The following MARCHF1 variants were observed in gnomAD, a reference collection of about 807,000 sequenced individuals.
MARCHF1 encodes the protein membrane associated ring-CH-type finger 1.
Under a neutral mutation model 54.2 loss-of-function variants are expected in MARCHF1, and 40 were observed. The observed-to-expected ratio is 0.74, with a 90% CI of 0.57 to 0.96. The LOEUF is 0.96. Ranked by LOEUF, MARCHF1 falls within the 40% of genes least tolerant of loss-of-function variation. The probability of loss-of-function intolerance (pLI) is 0.00; values close to 1 mark genes in which losing one functional copy is unlikely to be tolerated. For missense variants in MARCHF1, 586 were observed against 656.5 expected, an observed-to-expected ratio of 0.89 and a Z score of 1.17; for synonymous variants, 236 against 236.3, an observed-to-expected ratio of 1.00 and a Z score of 0.01.
At chr4:163,654,583 G>A (rs1352692298) in intron 5 of MARCHF1, among the ~76,000 whole-genome samples, 1 of 151,582 alleles carries the variant, frequency 6.6e-6, no homozygotes, top group East Asian at 1.9e-4. Context: ...TGGGTGAATT[G>A]TTCTCATTCT....
chr4:164,168,647 T>A (rs1730442813), intron 1 of MARCHF1, among the ~76,000 whole-genome samples: 1 of 149,700 alleles, frequency 6.7e-6, no homozygotes, highest in Admixed American at 6.7e-5. Flanking sequence ...TTGCATGATC[T>A]CACTTTTATG....
intron 1 of MARCHF1, among the ~76,000 whole-genome samples, chr4:164,199,170 A>C (rs1230373124): frequency 6.6e-6 from 1 of 152,240 alleles, no homozygotes; most frequent in Admixed American, 6.5e-5. Flanking sequence ...CTGCCTTGAA[A>C]GTAAGACTTG....
intron 2 of MARCHF1, among the ~76,000 whole-genome samples, chr4:164,096,075 A>G (rs1202320859): frequency 6.6e-6 from 1 of 152,194 alleles, no homozygotes; most frequent in Non-Finnish European, 1.5e-5. Context: ...GTACATACCC[A>G]AAGGGAAATA....
At chr4:163,688,322 C>G (rs985150693) in intron 5 of MARCHF1, among the ~76,000 whole-genome samples, 1 of 152,182 alleles carries the variant, frequency 6.6e-6, no homozygotes, top group East Asian at 1.9e-4. Flanking sequence ...ACCATATCAA[C>G]GTATCATCTT....
intron 4 of MARCHF1, among the ~76,000 whole-genome samples, chr4:163,788,735 T>C (rs1164703013): frequency 6.6e-6 from 1 of 152,030 alleles, no homozygotes; most frequent in Admixed American, 6.6e-5. Context: ...ATTGGTCACC[T>C]GGTAAGGTGG....
intron 3 of MARCHF1, among the ~76,000 whole-genome samples, chr4:163,932,168 T>G (rs1348095113): frequency 6.6e-6 from 1 of 152,220 alleles, no homozygotes; most frequent in Non-Finnish European, 1.5e-5. Flanking sequence ...GTCATGATCT[T>G]TTTGCTGGTA....
In MARCHF1 at chr4:164,152,526, A is replaced by G. The variant is rs1226728112; in HGVS notation, c.-322-40864T>C. Among the ~76,000 whole-genome samples, 4 of 152,146 alleles carry G rather than the reference A, an allele frequency of 2.6e-5. No homozygotes were observed. In the East Asian group the frequency reaches 7.7e-4, roughly 29 times the overall value. ...TTATGAAACAAGGAAAAAAATATTT[A>G]ACCCCAAAATACATTTCCTTGACAT... On this transcript the variant is annotated intron_variant, in intron 1 of 9. Coordinates refer to ENST00000514618, the MANE Select transcript of MARCHF1 (RefSeq NM_001394959.1).
At chr4:164,087,088 C>G (rs960173263) in intron 2 of MARCHF1, among the ~76,000 whole-genome samples, 2 of 151,990 alleles carry the variant, frequency 1.3e-5, no homozygotes, top group African/African-American at 4.8e-5. Flanking sequence ...GGGGGAGTTG[C>G]CACATGACTT....
intron 1 of MARCHF1, among the ~76,000 whole-genome samples, chr4:164,356,754 A>C (rs564997574): frequency 1.2e-4 from 16 of 135,796 alleles, no homozygotes; most frequent in African/African-American, 4.3e-4. Context: ...CCTAAAACTT[A>C]AAGTATAATA....
chr4:164,216,338 C>T (rs1176667714), intron 1 of MARCHF1, among the ~76,000 whole-genome samples: 1 of 152,178 alleles, frequency 6.6e-6, no homozygotes, highest in East Asian at 1.9e-4. Flanking sequence ...TGTGCAGTTA[C>T]AGCTCTTTAT....
chr4:163,782,295 T>C, intron 4 of MARCHF1, among the ~76,000 whole-genome samples: 1 of 152,110 alleles, frequency 6.6e-6, no homozygotes. Context: ...CTCTAAACAA[T>C]GGAAAAAGTC....
intron 4 of MARCHF1, among the ~76,000 whole-genome samples, chr4:163,738,274 G>A (rs1402773897): frequency 6.6e-6 from 1 of 152,088 alleles, no homozygotes; most frequent in African/African-American, 2.4e-5. Context: ...CTCAGTTTAT[G>A]GTGGAAGTTT....
intron 7 of MARCHF1, among the ~76,000 whole-genome samples, chr4:163,587,041 G>A (rs374356105): frequency 5.9e-5 from 9 of 152,248 alleles, no homozygotes; most frequent in East Asian, 5.8e-4. Flanking sequence ...GTTTAAAAAT[G>A]CTAATAAATA....
At chr4:164,109,912 T>TAAAAAAAA (rs57433858) in intron 2 of MARCHF1, among the ~76,000 whole-genome samples, 745 of 63,120 alleles carry the variant, frequency 0.012, 4 homozygotes, top group African/African-American at 0.019. Context: ...AAAATAAAAG[T>TAAAAAAAA]AAAAAAAAAA....
chr4:164,045,085 A>G (rs1754213414), intron 2 of MARCHF1, among the ~76,000 whole-genome samples: 1 of 152,146 alleles, frequency 6.6e-6, no homozygotes, highest in African/African-American at 2.4e-5. Flanking sequence ...AAAAATCAAT[A>G]CTATGGCATA....
At chr4:163,838,977 TA>T (rs925275943) in intron 4 of MARCHF1, among the ~76,000 whole-genome samples, 11 of 152,114 alleles carry the variant, frequency 7.2e-5, no homozygotes, top group African/African-American at 2.6e-4. Context: ...ACCCATAAAC[TA>T]AAAGAAAATA....
chr4:163,854,767 C>T (rs1749728047), intron 3 of MARCHF1, among the ~76,000 whole-genome samples: 1 of 152,104 alleles, frequency 6.6e-6, no homozygotes, highest in Non-Finnish European at 1.5e-5. Context: ...TAAAACAATC[C>T]TTACTATGTC....
chr4:164,175,012 A>G (rs905503994), intron 1 of MARCHF1, among the ~76,000 whole-genome samples: 1 of 152,176 alleles, frequency 6.6e-6, no homozygotes, highest in Non-Finnish European at 1.5e-5. Context: ...TATGTTTTGA[A>G]CTGTGAGCAG....
chr4:163,724,363 T>C (rs1220714313), intron 4 of MARCHF1, among the ~76,000 whole-genome samples: 4 of 152,248 alleles, frequency 2.6e-5, no homozygotes, highest in African/African-American at 9.6e-5. Flanking sequence ...TGATCGTTCC[T>C]CTGGAAGCTT....
Sources: gnomAD v4.1 joint callset for allele counts (sites outside exome capture counted in the v4.1 genomes callset) on GRCh38, gnomAD v4.1.1 for gene constraint, MANE v1.5 for transcripts, NCBI Gene and HGNC (gene_info 2026-07-23, HGNC 2026-07-21) for gene names.